Variants in CSMD1 observed in about 807,000 individuals in gnomAD.
CSMD1 encodes CUB and Sushi multiple domains 1, also known as CUB and sushi domain-containing protein 1.
In CSMD1, 213 loss-of-function variants were observed where a neutral mutation model predicts 417.5. The ratio of observed to expected loss-of-function variants is 0.51; its 90% CI spans 0.46 to 0.57. The LOEUF (loss-of-function observed/expected upper bound fraction) is 0.57, where lower values mean the gene tolerates loss of function less well. Ranked by LOEUF, CSMD1 falls within the 20% of genes least tolerant of loss-of-function variation. The pLI is 0.00. For missense variants in CSMD1, 6,923 were observed against 4,529.7 expected (o/e 1.53, Z -15.17); for synonymous variants, 2,862 against 1,736.8 (o/e 1.65, Z -16.11).
intron 1 of CSMD1, among the ~76,000 whole-genome samples, chr8:4,792,364 A>G (rs1797738421): frequency 6.6e-6 from 1 of 152,232 alleles, no homozygotes; most frequent in Admixed American, 6.5e-5. Context: ...TTAAAAAATA[A>G]AACTCTAGTT....
intron 54 of CSMD1, among the ~76,000 whole-genome samples, chr8:2,995,270 A>AG (rs1806783675): frequency 6.6e-6 from 1 of 152,252 alleles, no homozygotes; most frequent in South Asian, 2.1e-4. Context: ...TGAAGAGTAC[A>AG]GATGGGAATA....
intron 3 of CSMD1, among the ~76,000 whole-genome samples, chr8:4,178,901 C>G (rs890259403): frequency 2.0e-5 from 3 of 152,142 alleles, no homozygotes; most frequent in African/African-American, 4.8e-5. Flanking sequence ...AGGAGAACTA[C>G]AAACCACTGC....
chr8:3,267,789 C>A lies in CSMD1; in HGVS notation c.4153+16355G>T, dbSNP rs530815201. On this transcript the variant is annotated intron_variant, in intron 26 of 69. Coordinates refer to ENST00000635120, the MANE Select transcript of CSMD1 (RefSeq NM_033225.6). ...GCTGATGGGAGTGGAGCGGGGAGAC[C>A]AAGGGGTGCAGAGGCCGGGGCTGAT... Among the ~76,000 whole-genome samples, 88 of 152,160 alleles carry A rather than the reference C, an allele frequency of 5.8e-4. 1 individual carries two copies. The highest frequency in any genetic ancestry group is 2.0e-3 in the African/African-American group (82 of 41,508).
rs550726279 is a variant in CSMD1 at position 3,359,259 on chromosome 8, G to A, written c.3197C>T (p.Ser1066Phe). 2.4e-5 allele frequency: 38 copies of A among 1,613,726 alleles called. No homozygotes were observed. The highest frequency in any genetic ancestry group is 3.0e-5 in the Non-Finnish European group (35 of 1,179,818). Residue 1066 changes from serine to phenylalanine, a missense_variant, in exon 21 of 70, where the codon TCT (serine) becomes TTT (phenylalanine). Physicochemically the swap from Ser to Phe is radical, Grantham distance 155 (BLOSUM62 -2). Coordinates refer to ENST00000635120, the MANE Select transcript of CSMD1 (RefSeq NM_033225.6). ...TCCCAGGAAGCAGGAAAACGTCAGA[G>A]AGTCTCCCACACCAAAGTGAAAACC... is the stretch of plus-strand genomic sequence containing the variant. The part of the protein sequence containing the change: ...RIGFHFGVGD[S>F]LTFSCFLGYR...
chr8:2,938,244 T>C lies in CSMD1; in HGVS notation c.*341A>G, dbSNP rs1275637107. ...ATATCCACGAGCCCAGACGATTGCA[T>C]TGAAAGGCATCTCAGCAACACAGAA... On this transcript the variant is annotated 3_prime_UTR_variant, in exon 70 of 70. Coordinates refer to ENST00000635120, the MANE Select transcript of CSMD1 (RefSeq NM_033225.6). The C allele has an allele frequency of 1.4e-5, 3 of 221,992 alleles. No homozygotes were observed. Among genetic ancestry groups the C allele is most frequent in the Non-Finnish European group, 2.6e-5 (3 of 113,816 alleles). The allele number at this position is 221,992 out of a possible 1,614,324, so 13.8% of individuals were successfully genotyped here.
chr8:4,599,889 G>C (rs538922784), intron 2 of CSMD1, among the ~76,000 whole-genome samples: 6 of 152,242 alleles, frequency 3.9e-5, no homozygotes, highest in African/African-American at 1.2e-4. Flanking sequence ...AGAGTTTTTT[G>C]TAAACTGCTC....
intron 1 of CSMD1, among the ~76,000 whole-genome samples, chr8:4,961,443 C>G (rs1372394230): frequency 6.6e-6 from 1 of 152,132 alleles, no homozygotes; most frequent in Non-Finnish European, 1.5e-5. Flanking sequence ...ATGTCCTCTT[C>G]TAGTTGATTT....
At chr8:4,502,229 G>C (rs572492802) in intron 2 of CSMD1, among the ~76,000 whole-genome samples, 1 of 152,164 alleles carries the variant, frequency 6.6e-6, no homozygotes, top group Admixed American at 6.5e-5. Context: ...AGAATGAGCA[G>C]AACGTAGAAC....
At chr8:3,117,209 T>C (rs773322798) in intron 42 of CSMD1, among the ~76,000 whole-genome samples, 11 of 152,178 alleles carry the variant, frequency 7.2e-5, no homozygotes, top group Non-Finnish European at 1.5e-4. Context: ...TAGCTGGGAC[T>C]ACAGGTGCCC....
chr8:4,589,729 C>T (rs1389004224), intron 2 of CSMD1, among the ~76,000 whole-genome samples: 1 of 152,086 alleles, frequency 6.6e-6, no homozygotes, highest in African/African-American at 2.4e-5. Context: ...TCTAAATTGC[C>T]ATTATCACGG....
At chr8:4,006,782 T>C (rs1411794513) in intron 4 of CSMD1, among the ~76,000 whole-genome samples, 1 of 151,660 alleles carries the variant, frequency 6.6e-6, no homozygotes, top group Non-Finnish European at 1.5e-5. Context: ...ATATCACCAT[T>C]CATATTTCTT....
intron 1 of CSMD1, among the ~76,000 whole-genome samples, chr8:4,830,203 A>G (rs1289464207): frequency 2.0e-5 from 3 of 152,220 alleles, no homozygotes; most frequent in African/African-American, 7.2e-5. Flanking sequence ...TGAAACAGAC[A>G]AAGTGCTTCT....
chr8:4,586,790 G>A (rs764202534), intron 2 of CSMD1, among the ~76,000 whole-genome samples: 3 of 152,198 alleles, frequency 2.0e-5, no homozygotes, highest in East Asian at 3.9e-4. Flanking sequence ...CCTCCAGGAT[G>A]ATACTGGGCT....
At chr8:4,190,602 G>A (rs756975313) in intron 3 of CSMD1, among the ~76,000 whole-genome samples, 10 of 150,890 alleles carry the variant, frequency 6.6e-5, no homozygotes, top group Non-Finnish European at 1.0e-4. Flanking sequence ...ATAACGATGT[G>A]GAATGGAAGC....
At chr8:4,682,955 C>CACAT (rs1806139883) in intron 1 of CSMD1, among the ~76,000 whole-genome samples, 1 of 118,490 alleles carries the variant, frequency 8.4e-6, no homozygotes, top group East Asian at 2.7e-4. Context: ...TAAGTATCTT[C>CACAT]ATATATATAT....
At position 4,777,273 on chromosome 8, in the gene CSMD1, C is replaced by A. The variant is rs186251356; in HGVS notation, c.86-139715G>T. Among the ~76,000 whole-genome samples, 27 of 152,286 alleles carry A rather than the reference C, an allele frequency of 1.8e-4. No homozygotes were observed. The East Asian group carries it at 5.0e-3, about 28-fold the overall frequency. ...GCAGGAGGCAAGGCAGTGCGAGAAA[C>A]AATTAAGTCTAATTGACTCAGTAGG... On this transcript the variant is annotated intron_variant, in intron 1 of 69. Coordinates refer to ENST00000635120, the MANE Select transcript of CSMD1 (RefSeq NM_033225.6).
chr8:3,587,675 A>G (rs75795179), intron 8 of CSMD1, among the ~76,000 whole-genome samples: 4,170 of 152,226 alleles, frequency 0.027, 207 homozygotes, highest in African/African-American at 0.093. Context: ...ATCAGAGTCA[A>G]AGCAACTGGG....
At chr8:3,544,963 G>A (rs1250528880) in intron 10 of CSMD1, among the ~76,000 whole-genome samples, 1 of 151,324 alleles carries the variant, frequency 6.6e-6, no homozygotes, top group East Asian at 1.9e-4. Flanking sequence ...TTTCTCATGT[G>A]TCAACTTGAT....
At chr8:3,382,963 G>A (rs1050592545) in intron 18 of CSMD1, among the ~76,000 whole-genome samples, 2 of 152,058 alleles carry the variant, frequency 1.3e-5, no homozygotes, top group African/African-American at 4.8e-5. Flanking sequence ...ATGCTCACAG[G>A]CATGGCCACT....
Sources: gnomAD v4.1 joint callset for allele counts (sites outside exome capture counted in the v4.1 genomes callset) on GRCh38, gnomAD v4.1.1 for gene constraint, MANE v1.5 for transcripts, NCBI Gene and HGNC (gene_info 2026-07-23, HGNC 2026-07-21) for gene names.